CMSS1: variants seen among roughly 807,000 people sequenced by gnomAD.
CMSS1 encodes cms1 ribosomal small subunit homolog, also known as protein CMSS1.
In CMSS1, 33 loss-of-function variants were observed where a neutral mutation model predicts 43.5. The ratio of observed to expected loss-of-function variants is 0.76; its 90% CI spans 0.57 to 1.01. CMSS1 has a LOEUF of 1.01. CMSS1 is among the 50% of genes least tolerant of loss of function. CMSS1 has a pLI of 0.00. For synonymous variants in CMSS1, 115 were observed against 117.2 expected (o/e 0.98, Z 0.12); for missense variants, 313 against 326.4 (o/e 0.96, Z 0.32).
intron 1 of CMSS1, among the ~76,000 whole-genome samples, chr3:100,119,239 T>C (rs1454749198): frequency 2.6e-5 from 4 of 151,780 alleles, no homozygotes; most frequent in African/African-American, 9.7e-5. Flanking sequence ...TTAATTTGTC[T>C]ATTTATTTTG....
rs75854144 is a variant in CMSS1 at position 99,940,466 on chromosome 3, T to C, written c.64+122423T>C. Among the ~76,000 whole-genome samples, 623 of 152,322 alleles carry C rather than the reference T, an allele frequency of 4.1e-3. 8 individuals carry two copies. Among genetic ancestry groups the C allele is most frequent in the African/African-American group, 0.015 (605 of 41,596 alleles). ...TTTGAATTTTTGTCCGTTTGGACCT[T>C]GGAGCCAGTTTTGTCCAATCCCCTT... On this transcript the variant is annotated intron_variant, in intron 1 of 9. Transcript: ENST00000421999.
intron 1 of CMSS1, chr3:99,929,765 TA>T: frequency 1.1e-6 from 1 of 917,532 alleles, no homozygotes; most frequent in Non-Finnish European, 1.6e-6. Context: ...AGTAAAACTG[TA>T]AGGAATCAAA....
chr3:100,038,027 T>G (rs1156915286), intron 1 of CMSS1, among the ~76,000 whole-genome samples: 1 of 149,454 alleles, frequency 6.7e-6, no homozygotes, highest in East Asian at 2.0e-4. Flanking sequence ...CAATCTCGGC[T>G]CACTGCAACC....
chr3:99,964,632 T>C (rs1708593204), intron 1 of CMSS1, among the ~76,000 whole-genome samples: 2 of 151,990 alleles, frequency 1.3e-5, no homozygotes, highest in South Asian at 4.2e-4. Flanking sequence ...CAAAAGGAAA[T>C]GTGTTTCCTA....
intron 1 of CMSS1, among the ~76,000 whole-genome samples, chr3:99,892,706 C>A (rs1305899526): frequency 1.3e-5 from 2 of 152,138 alleles, no homozygotes; most frequent in Non-Finnish European, 2.9e-5. Context: ...CATAACTCTC[C>A]CCCAATTCCT....
At chr3:100,101,651 G>A (rs980475137) in intron 1 of CMSS1, among the ~76,000 whole-genome samples, 1 of 152,048 alleles carries the variant, frequency 6.6e-6, no homozygotes. Context: ...TTAAGTTTTA[G>A]GGTACATGTG....
intron 1 of CMSS1, among the ~76,000 whole-genome samples, chr3:99,959,515 T>C (rs889087484): frequency 2.0e-5 from 3 of 152,224 alleles, no homozygotes; most frequent in Non-Finnish European, 4.4e-5. Context: ...AATTAAGTCA[T>C]TTAATTTGTG....
chr3:99,849,598 G>A, intron 1 of CMSS1: 1 of 1,613,398 alleles, frequency 6.2e-7, no homozygotes, highest in East Asian at 2.2e-5. Context: ...GCTGGTCTCT[G>A]TCTTTTCTGC....
intron 1 of CMSS1, among the ~76,000 whole-genome samples, chr3:99,912,794 G>A (rs1451033224): frequency 2.6e-5 from 4 of 152,180 alleles, no homozygotes; most frequent in Non-Finnish European, 5.9e-5. Flanking sequence ...TGACTATCAT[G>A]AATAATGCTG....
intron 1 of CMSS1, among the ~76,000 whole-genome samples, chr3:99,927,293 C>T (rs1025616757): frequency 6.6e-6 from 1 of 151,892 alleles, no homozygotes; most frequent in Non-Finnish European, 1.5e-5. Context: ...TAAGATTTGC[C>T]CTAGGTTATG....
intron 1 of CMSS1, among the ~76,000 whole-genome samples, chr3:99,922,628 T>A (rs938977308): frequency 1.1e-4 from 16 of 152,234 alleles, no homozygotes; most frequent in African/African-American, 3.9e-4. Flanking sequence ...TTGGAAGTAG[T>A]TGAATAAGCC....
intron 1 of CMSS1, among the ~76,000 whole-genome samples, chr3:99,971,133 C>A (rs994848743): frequency 7.2e-5 from 11 of 152,030 alleles, no homozygotes; most frequent in Non-Finnish European, 1.6e-4. Context: ...GTCAGGAGAT[C>A]GAGACCATCC....
In CMSS1 at chr3:100,166,773, C is replaced by T. The variant is rs1576118705; in HGVS notation, c.415+379C>T. On this transcript the variant is annotated intron_variant, in intron 5 of 9. Coordinates refer to ENST00000421999, the MANE Select transcript of CMSS1 (RefSeq NM_032359.4). ...GCTGGAGAGGGACAGGGTCTCACTC[C>T]ATCTCCCAGGCTGGAGTGCAGTGGG... Among the ~76,000 whole-genome samples the T allele has an allele frequency of 2.0e-5, 3 of 152,060 alleles. No individual in the cohort carries two copies. The East Asian group carries it at 5.8e-4, about 29-fold the overall frequency.
chr3:99,850,457 T>A lies in CMSS1; in HGVS notation c.64+32414T>A, dbSNP rs200386812. 2.9e-5 allele frequency: 46 copies of A among 1,613,926 alleles called. No individual in the cohort carries two copies. The highest frequency in any genetic ancestry group is 1.6e-4 in the Middle Eastern group (1 of 6,082). On this transcript the variant is annotated intron_variant, in intron 1 of 9. Coordinates refer to ENST00000421999, the MANE Select transcript of CMSS1 (RefSeq NM_032359.4). ...AGTTTAAAGTCTTTACTCTGTAACG[T>A]CTCCCTTTCAAGCCTCTTATTGAGA...
At chr3:99,848,818 G>C in intron 1 of CMSS1, 1 of 1,611,864 alleles carries the variant, frequency 6.2e-7, no homozygotes, top group Non-Finnish European at 8.5e-7. Flanking sequence ...TGGTGTTATG[G>C]AGGCGTTTTG....
chr3:100,147,265 C>CTTTTTTTTTTTTT (rs71132514), intron 2 of CMSS1, among the ~76,000 whole-genome samples: 11 of 86,830 alleles, frequency 1.3e-4, no homozygotes, highest in East Asian at 3.3e-4. Flanking sequence ...AATTCTTTTT[C>CTTTTTTTTTTTTT]TTTTTTTTTT....
chr3:100,034,510 G>C (rs531165304), intron 1 of CMSS1, among the ~76,000 whole-genome samples: 3 of 152,134 alleles, frequency 2.0e-5, no homozygotes, highest in Admixed American at 1.3e-4. Flanking sequence ...TAATCCAAAA[G>C]GTTCTTTGTG....
In CMSS1 at chr3:100,178,726, T is replaced by C. The variant is rs543064852; in HGVS notation, c.*338T>C. 8.9e-5 allele frequency: 17 copies of C among 191,576 alleles called. No homozygotes were observed. The highest frequency in any genetic ancestry group is 1.3e-4 in the Non-Finnish European group (12 of 91,918). The allele number at this position is 191,576 out of a possible 1,614,324, so 11.9% of individuals were successfully genotyped here. A position where few individuals can be genotyped will look rare whatever the true frequency, so the allele number is the denominator to read the frequency against. ...TAAGGTCTTGCCTCTCTGAGCCCCA[T>C]CTTATCAACTCAAAGTGGGAATGTC... is the stretch of plus-strand genomic sequence containing the variant. On this transcript the variant is annotated 3_prime_UTR_variant, in exon 10 of 10. Transcript: ENST00000421999.
At chr3:99,822,567 C>T (rs1306268415) in intron 1 of CMSS1, among the ~76,000 whole-genome samples, 1 of 152,158 alleles carries the variant, frequency 6.6e-6, no homozygotes, top group African/African-American at 2.4e-5. Context: ...CCTGTCTCTA[C>T]TAAAACTACA....
Sources: allele counts gnomAD v4.1 joint callset (sites outside exome capture counted in the v4.1 genomes callset), GRCh38; gene constraint gnomAD v4.1.1; transcripts MANE v1.5; gene names NCBI Gene and HGNC (gene_info 2026-07-23, HGNC 2026-07-21).